The following SORCS1 variants were observed in gnomAD, a reference collection of about 807,000 sequenced individuals.
SORCS1 encodes sortilin related VPS10 domain containing receptor 1, also known as VPS10 domain-containing receptor SorCS1.
SORCS1 carries 60 observed loss-of-function variants against 146.1 expected under a neutral mutation model. The observed-to-expected ratio is 0.41, with a 90% confidence interval of 0.33 to 0.51. The LOEUF (loss-of-function observed/expected upper bound fraction) is 0.51, where lower values mean the gene tolerates loss of function less well. Ranked by LOEUF, SORCS1 falls within the 20% of genes least tolerant of loss-of-function variation. SORCS1 has a pLI of 0.21. For missense variants in SORCS1, 1,352 were observed against 1,487.6 expected (o/e 0.91, Z 1.50); for synonymous variants, 637 against 584.0 (o/e 1.09, Z -1.31).
At chr10:106,645,582 A>AT (rs1280674466) in intron 18 of SORCS1, among the ~76,000 whole-genome samples, 2 of 151,798 alleles carry the variant, frequency 1.3e-5, no homozygotes, top group East Asian at 3.9e-4. Flanking sequence ...GATGTTCCGA[A>AT]TTTTTTCATA....
At chr10:107,021,102 A>G (rs191552908) in intron 1 of SORCS1, among the ~76,000 whole-genome samples, 1 of 152,326 alleles carries the variant, frequency 6.6e-6, no homozygotes, top group Admixed American at 6.5e-5. Context: ...CACTGCATGA[A>G]GCAACAGACT....
chr10:106,992,798 G>C (rs572765280), intron 1 of SORCS1, among the ~76,000 whole-genome samples: 2 of 147,604 alleles, frequency 1.4e-5, no homozygotes, highest in South Asian at 4.3e-4. Flanking sequence ...ACCAGGCCGA[G>C]CTAATTTCTT....
chr10:106,851,634 G>C (rs1949578329), intron 2 of SORCS1, among the ~76,000 whole-genome samples: 1 of 152,208 alleles, frequency 6.6e-6, no homozygotes. Context: ...AAGTCAGGCA[G>C]TGAGTGCTCC....
chr10:106,585,801 C>T (rs1016870638), intron 24 of SORCS1, among the ~76,000 whole-genome samples: 4 of 152,160 alleles, frequency 2.6e-5, no homozygotes, highest in African/African-American at 9.7e-5. Flanking sequence ...CCTACCACTG[C>T]CATGTGTGAG....
intron 3 of SORCS1, among the ~76,000 whole-genome samples, chr10:106,809,790 T>C (rs550165425): frequency 1.3e-5 from 2 of 152,304 alleles, no homozygotes; most frequent in African/African-American, 2.4e-5. Context: ...TTTCAAACAA[T>C]AGTCCTTTTC....
chr10:106,922,897 T>C (rs1952784651), intron 2 of SORCS1, among the ~76,000 whole-genome samples: 2 of 151,312 alleles, frequency 1.3e-5, no homozygotes, highest in Non-Finnish European at 3.0e-5. Context: ...TTTTCTTTTT[T>C]TTTTTTTTTT....
At chr10:106,655,619 G>C (rs539623100) in intron 17 of SORCS1, among the ~76,000 whole-genome samples, 1 of 152,040 alleles carries the variant, frequency 6.6e-6, no homozygotes, top group African/African-American at 2.4e-5. Context: ...TCCAAAGCAC[G>C]AATCCATCCC....
At chr10:106,963,656 C>T (rs1429595604) in intron 1 of SORCS1, among the ~76,000 whole-genome samples, 1 of 151,334 alleles carries the variant, frequency 6.6e-6, no homozygotes, top group African/African-American at 2.5e-5. Context: ...TAATATTACT[C>T]ATCTCTTGAA....
intron 2 of SORCS1, among the ~76,000 whole-genome samples, chr10:106,850,456 C>T (rs1209426256): frequency 2.0e-5 from 3 of 152,042 alleles, no homozygotes; most frequent in South Asian, 4.2e-4. Flanking sequence ...GCACACGGTG[C>T]GCGCACTCAC....
At chr10:107,093,994 C>T (rs781055490) in intron 1 of SORCS1, among the ~76,000 whole-genome samples, 2 of 152,120 alleles carry the variant, frequency 1.3e-5, no homozygotes, top group Non-Finnish European at 2.9e-5. Flanking sequence ...CATGCCACCT[C>T]GAGATTTTCG....
At chr10:106,708,695 G>T (rs182082605) in intron 7 of SORCS1, among the ~76,000 whole-genome samples, 5 of 152,178 alleles carry the variant, frequency 3.3e-5, no homozygotes, top group Non-Finnish European at 7.4e-5. Flanking sequence ...ATCACAGTTG[G>T]TGCATGACAA....
intron 2 of SORCS1, among the ~76,000 whole-genome samples, chr10:106,925,195 G>GTT (rs531093139): frequency 1.4e-5 from 2 of 147,096 alleles, no homozygotes; most frequent in East Asian, 2.0e-4. Context: ...TCTATTGTTT[G>GTT]TTTTTTTTTT....
chr10:106,656,875 T>C (rs1850336444), intron 17 of SORCS1, among the ~76,000 whole-genome samples: 1 of 152,162 alleles, frequency 6.6e-6, no homozygotes, highest in Non-Finnish European at 1.5e-5. Flanking sequence ...TTTGTTTTTG[T>C]TTTTAGGTTC....
At chr10:107,046,105 C>T (rs1219345651) in intron 1 of SORCS1, among the ~76,000 whole-genome samples, 2 of 152,044 alleles carry the variant, frequency 1.3e-5, no homozygotes, top group African/African-American at 4.8e-5. Context: ...TGCCACCACG[C>T]CCAGATAATT....
chr10:107,126,342 A>C (rs1269897133), intron 1 of SORCS1, among the ~76,000 whole-genome samples: 1 of 152,204 alleles, frequency 6.6e-6, no homozygotes, highest in East Asian at 1.9e-4. Flanking sequence ...AAGAGTTCCA[A>C]GCCATATAGT....
chr10:106,931,367 A>C (rs1953407403), intron 2 of SORCS1, among the ~76,000 whole-genome samples: 1 of 152,234 alleles, frequency 6.6e-6, no homozygotes. Context: ...AAGTGATGAA[A>C]TAAAGTCAAC....
At chr10:107,142,876 G>C (rs562672617) in intron 1 of SORCS1, among the ~76,000 whole-genome samples, 5 of 152,290 alleles carry the variant, frequency 3.3e-5, no homozygotes, top group African/African-American at 1.2e-4. Context: ...GGAAATTTGT[G>C]ATGGAACTGG....
intron 5 of SORCS1, among the ~76,000 whole-genome samples, chr10:106,750,686 A>G (rs4918250): frequency 0.47 from 59,780 of 125,906 alleles, 13,847 homozygotes; most frequent in African/African-American, 0.57. Flanking sequence ...CCGAGATCGC[A>G]CCACTGCACT....
chr10:106,971,502 C>A (rs911758504), intron 1 of SORCS1, among the ~76,000 whole-genome samples: 2 of 152,148 alleles, frequency 1.3e-5, no homozygotes, highest in East Asian at 1.9e-4. Flanking sequence ...ACCAGCATTG[C>A]CATTTTATCA....
Sources: allele counts gnomAD v4.1 joint callset (sites outside exome capture counted in the v4.1 genomes callset), GRCh38; gene constraint gnomAD v4.1.1; transcripts MANE v1.5; gene names NCBI Gene and HGNC (gene_info 2026-07-23, HGNC 2026-07-21).